ZHX2: variants seen among roughly 807,000 people sequenced by gnomAD.
The protein encoded by ZHX2 is zinc fingers and homeoboxes 2, also known as zinc fingers and homeoboxes protein 2.
A neutral mutation model predicts 21.9 loss-of-function variants in ZHX2; 6 were observed. That is an observed-to-expected ratio of 0.27 (90% CI 0.15 to 0.54). The LOEUF (loss-of-function observed/expected upper bound fraction) is 0.54. Among genes scored for constraint, ZHX2 ranks in the 20% least tolerant of loss-of-function variants. The pLI, the probability that ZHX2 is intolerant of heterozygous loss-of-function variation, is 0.95. For missense variants in ZHX2, 908 were observed against 1,090.7 expected (o/e 0.83, Z 2.36); for synonymous variants, 434 against 437.1 (o/e 0.99, Z 0.09).
chr8:122,945,588 T>C (rs1276437482), intron 2 of ZHX2, among the ~76,000 whole-genome samples: 2 of 151,800 alleles, frequency 1.3e-5, no homozygotes, highest in Non-Finnish European at 2.9e-5. Flanking sequence ...ATCAAAAACA[T>C]GTAAAGGCAG....
intron 2 of ZHX2, among the ~76,000 whole-genome samples, chr8:122,871,486 C>T (rs1307715032): frequency 7.7e-6 from 1 of 129,698 alleles, no homozygotes; most frequent in Non-Finnish European, 1.5e-5. Context: ...AATGAGAGCA[C>T]ATGGACACAG....
At chr8:122,890,783 A>G (rs1030026667) in intron 2 of ZHX2, among the ~76,000 whole-genome samples, 11 of 152,106 alleles carry the variant, frequency 7.2e-5, no homozygotes, top group African/African-American at 2.7e-4. Flanking sequence ...TGGAAACACT[A>G]CTTTTTATTT....
intron 1 of ZHX2, among the ~76,000 whole-genome samples, chr8:122,795,512 G>C (rs1299429070): frequency 6.6e-6 from 1 of 151,932 alleles, no homozygotes; most frequent in Admixed American, 6.6e-5. Context: ...TATCACAACT[G>C]TCCTTGCAGG....
At chr8:122,900,416 GA>G (rs1397934858) in intron 2 of ZHX2, among the ~76,000 whole-genome samples, 1 of 152,086 alleles carries the variant, frequency 6.6e-6, no homozygotes, top group Non-Finnish European at 1.5e-5. Flanking sequence ...ACTCGCCCAC[GA>G]GGGAGGACAT....
At chr8:122,904,525 C>A (rs73711242) in intron 2 of ZHX2, among the ~76,000 whole-genome samples, 7,242 of 152,242 alleles carry the variant, frequency 0.048, 362 homozygotes, top group African/African-American at 0.13. Flanking sequence ...ACTCCTGACT[C>A]CTCCCAGTCA....
chr8:122,815,036 A>AT (rs1179915672), intron 1 of ZHX2, among the ~76,000 whole-genome samples: 3 of 152,192 alleles, frequency 2.0e-5, no homozygotes, highest in African/African-American at 7.2e-5. Flanking sequence ...TCGTTTTTCC[A>AT]TCAGAAAATA....
At position 122,827,934 on chromosome 8, in the gene ZHX2, G is replaced by A. The variant is rs564725960; in HGVS notation, c.-282-35543G>A. 3.1e-3 allele frequency among the ~76,000 whole-genome samples: 478 copies of A among 152,250 alleles called. 1 individual carries two copies. The highest frequency in any genetic ancestry group is 0.01 in the African/African-American group (432 of 41,550). ...TCAAGACCAGCATGGGCAACATGGCGAGACCCTGCCTCTACAAAAAAATTT... is the reference window on the plus strand; with the variant it reads ...TCAAGACCAGCATGGGCAACATGGCAAGACCCTGCCTCTACAAAAAAATTT... On this transcript the variant is annotated intron_variant, in intron 1 of 3. Transcript: ENST00000314393.
intron 1 of ZHX2, among the ~76,000 whole-genome samples, chr8:122,818,311 A>C (rs1563740798): frequency 1.3e-5 from 2 of 151,226 alleles, no homozygotes; most frequent in African/African-American, 4.9e-5. Context: ...AAAAAAAAAA[A>C]CAACCATTTT....
At position 122,845,993 on chromosome 8, in the gene ZHX2, A is replaced by G. The variant is rs10092331; in HGVS notation, c.-282-17484A>G. Among the ~76,000 whole-genome samples, 1,087 of 152,320 alleles carry G rather than the reference A, an allele frequency of 7.1e-3. 14 individuals carry two copies. Among genetic ancestry groups the G allele is most frequent in the African/African-American group, 0.024 (1,002 of 41,576 alleles). On this transcript the variant is annotated intron_variant, in intron 1 of 3. Transcript: ENST00000314393. ...ATCACTGCCCAGAGTGGAGAAGGCA[A>G]AAGTGGAGACAGGGAGGCCACTTGT...
At chr8:122,966,177 G>T (rs985182374) in intron 3 of ZHX2, among the ~76,000 whole-genome samples, 1 of 151,762 alleles carries the variant, frequency 6.6e-6, no homozygotes, top group Non-Finnish European at 1.5e-5. Context: ...GTGAGGTACT[G>T]TTCTATTCAC....
chr8:122,941,041 G>A (rs1315214230), intron 2 of ZHX2, among the ~76,000 whole-genome samples: 1 of 149,958 alleles, frequency 6.7e-6, no homozygotes, highest in Non-Finnish European at 1.5e-5. Flanking sequence ...ACCAGGCTGG[G>A]TAATATAATG....
rs561261158 is a variant in ZHX2 at position 122,823,094 on chromosome 8, G to A, written c.-282-40383G>A. Among the ~76,000 whole-genome samples, 87 of 152,308 alleles carry A rather than the reference G, an allele frequency of 5.7e-4. No individual in the cohort carries two copies. In the South Asian group the frequency reaches 6.2e-3, roughly 11 times the overall value. Reference sequence around the variant, plus strand: ...GATGTGTCCTTCCCATGAATACAGCGTGTGTCCTGGTCTGGGTCCCAGATC... The same window carrying A: ...GATGTGTCCTTCCCATGAATACAGCATGTGTCCTGGTCTGGGTCCCAGATC... On this transcript the variant is annotated intron_variant, in intron 1 of 3. Transcript: ENST00000314393.
chr8:122,799,322 G>T (rs1026441405), intron 1 of ZHX2, among the ~76,000 whole-genome samples: 4 of 152,282 alleles, frequency 2.6e-5, no homozygotes, highest in Middle Eastern at 3.4e-3. Context: ...GAAAGAAAAT[G>T]ACACATACAA....
chr8:122,841,972 G>A (rs1222246869), intron 1 of ZHX2, among the ~76,000 whole-genome samples: 1 of 152,168 alleles, frequency 6.6e-6, no homozygotes, highest in Non-Finnish European at 1.5e-5. Flanking sequence ...CTTATGGTCA[G>A]CTCTGGGGAA....
chr8:122,803,319 A>G (rs1817756330), intron 1 of ZHX2, among the ~76,000 whole-genome samples: 2 of 151,848 alleles, frequency 1.3e-5, no homozygotes, highest in Non-Finnish European at 2.9e-5. Context: ...CAGAGGTGCC[A>G]CTCCCCGTTG....
chr8:122,800,138 G>C (rs572078192), intron 1 of ZHX2, among the ~76,000 whole-genome samples: 2 of 152,332 alleles, frequency 1.3e-5, no homozygotes, highest in East Asian at 3.9e-4. Context: ...TTATAGGCGT[G>C]AGCCACCGCG....
At chr8:122,876,907 C>T (rs764251079) in intron 2 of ZHX2, among the ~76,000 whole-genome samples, 3 of 152,176 alleles carry the variant, frequency 2.0e-5, no homozygotes, top group Non-Finnish European at 4.4e-5. Flanking sequence ...GGACCCAAGC[C>T]TCTGCCCTCA....
chr8:122,920,833 T>G (rs888263249), intron 2 of ZHX2, among the ~76,000 whole-genome samples: 6 of 151,938 alleles, frequency 3.9e-5, no homozygotes, highest in Non-Finnish European at 8.8e-5. Flanking sequence ...CGAGAGGAGG[T>G]GCTGGCTCTT....
chr8:122,931,354 A>G (rs999139211), intron 2 of ZHX2, among the ~76,000 whole-genome samples: 1 of 152,114 alleles, frequency 6.6e-6, no homozygotes, highest in East Asian at 1.9e-4. Flanking sequence ...CTGCAGAAGA[A>G]CCTGCCACAA....
Sources: allele counts gnomAD v4.1 joint callset (sites outside exome capture counted in the v4.1 genomes callset), GRCh38; gene constraint gnomAD v4.1.1; transcripts MANE v1.5; gene names NCBI Gene and HGNC (gene_info 2026-07-23, HGNC 2026-07-21).